Variants in CNTNAP5 observed in about 807,000 individuals in gnomAD.
CNTNAP5 encodes contactin associated protein family member 5.
Under a neutral mutation model 150.2 loss-of-function variants are expected in CNTNAP5, and 72 were observed. The observed-to-expected ratio is 0.48, with a 90% CI of 0.40 to 0.58. The LOEUF (loss-of-function observed/expected upper bound fraction) is 0.58. CNTNAP5 is among the 20% of genes least tolerant of loss of function. The probability of loss-of-function intolerance (pLI) is 0.00; values close to 1 mark genes in which losing one functional copy is unlikely to be tolerated. For synonymous variants in CNTNAP5, 672 were observed against 619.8 expected, an observed-to-expected ratio of 1.08 and a Z score of -1.25; for missense variants, 1,636 against 1,626.2, an observed-to-expected ratio of 1.01 and a Z score of -0.10.
At chr2:124,136,079 G>A (rs765537655) in intron 1 of CNTNAP5, among the ~76,000 whole-genome samples, 3 of 152,110 alleles carry the variant, frequency 2.0e-5, no homozygotes, top group Non-Finnish European at 4.4e-5. Context: ...ATACTTAAAG[G>A]CTGTGATGTC....
At chr2:124,898,292 A>T (rs1678347688) in intron 21 of CNTNAP5, among the ~76,000 whole-genome samples, 1 of 151,398 alleles carries the variant, frequency 6.6e-6, no homozygotes, top group Non-Finnish European at 1.5e-5. Flanking sequence ...ACACATAGAA[A>T]ATGTCATGTT....
intron 8 of CNTNAP5, among the ~76,000 whole-genome samples, chr2:124,511,411 GT>G (rs1477615015): frequency 6.6e-6 from 1 of 152,178 alleles, no homozygotes; most frequent in South Asian, 2.1e-4. Flanking sequence ...GTTTGTTTTT[GT>G]TTTTTGTAGT....
intron 13 of CNTNAP5, among the ~76,000 whole-genome samples, chr2:124,654,771 C>T (rs1039834104): frequency 6.6e-6 from 1 of 151,912 alleles, no homozygotes; most frequent in Non-Finnish European, 1.5e-5. Context: ...TTCTTAACCA[C>T]CCCCCGCCTC....
intron 8 of CNTNAP5, among the ~76,000 whole-genome samples, chr2:124,508,243 G>T (rs1409792881): frequency 1.3e-5 from 2 of 152,198 alleles, no homozygotes; most frequent in Non-Finnish European, 2.9e-5. Context: ...AGTCATAAAA[G>T]TTAAGAATGA....
At chr2:124,780,122 C>G (rs1422487220) in intron 17 of CNTNAP5, among the ~76,000 whole-genome samples, 2 of 152,172 alleles carry the variant, frequency 1.3e-5, no homozygotes, top group Non-Finnish European at 1.5e-5. Context: ...CTCAGTTATT[C>G]CATCTGCCCA....
At chr2:124,294,730 G>A (rs193230997) in intron 3 of CNTNAP5, among the ~76,000 whole-genome samples, 8 of 152,266 alleles carry the variant, frequency 5.3e-5, no homozygotes, top group Non-Finnish European at 1.0e-4. Flanking sequence ...AACATTTTCC[G>A]GCAACAAAAA....
At chr2:124,071,754 C>A (rs1277635332) in intron 1 of CNTNAP5, among the ~76,000 whole-genome samples, 1 of 151,814 alleles carries the variant, frequency 6.6e-6, no homozygotes, top group African/African-American at 2.4e-5. Context: ...AATCCTGAGA[C>A]CCAATAGCCT....
Position 124,811,965 on chromosome 2 carries a change from T to TTATA in CNTNAP5, c.3217+13646_3217+13647insATAT, listed in dbSNP as rs1444841686. Among the ~76,000 whole-genome samples the TTATA allele has an allele frequency of 2.1e-3, 237 of 114,572 alleles. 3 individuals carry two copies. The highest frequency in any genetic ancestry group is 3.5e-3 in the Non-Finnish European group (204 of 58,892). 75.2% of individuals were successfully genotyped at this position (114,572 alleles called of 152,430 possible). On this transcript the variant is annotated intron_variant, in intron 19 of 23. Transcript: ENST00000682447. ...CTCAAAAAATATATATATATATATT[T>TTATA]TTTATAATATATATAAAATTTATAT...
At chr2:124,889,495 A>C (rs1318472777) in intron 21 of CNTNAP5, among the ~76,000 whole-genome samples, 1 of 152,046 alleles carries the variant, frequency 6.6e-6, no homozygotes, top group Admixed American at 6.6e-5. Context: ...TCCCAGTGCC[A>C]TTTATTGAAT....
At chr2:124,236,325 G>A (rs926789864) in intron 2 of CNTNAP5, among the ~76,000 whole-genome samples, 1 of 152,120 alleles carries the variant, frequency 6.6e-6, no homozygotes, top group Non-Finnish European at 1.5e-5. Flanking sequence ...TGCAGGAGGC[G>A]TGGCCTGGAC....
At chr2:124,574,515 AC>A (rs1370815673) in intron 11 of CNTNAP5, among the ~76,000 whole-genome samples, 1 of 152,218 alleles carries the variant, frequency 6.6e-6, no homozygotes, top group African/African-American at 2.4e-5. Context: ...TTACACTGTT[AC>A]CTCAAATAGG....
intron 1 of CNTNAP5, among the ~76,000 whole-genome samples, chr2:124,149,468 G>T (rs748467768): frequency 1.3e-5 from 2 of 150,322 alleles, no homozygotes; most frequent in Non-Finnish European, 3.0e-5. Flanking sequence ...GTTGAAATGG[G>T]GGCTAATATC....
intron 3 of CNTNAP5, among the ~76,000 whole-genome samples, chr2:124,404,607 G>A (rs1306165373): frequency 2.0e-5 from 3 of 152,218 alleles, no homozygotes; most frequent in African/African-American, 4.8e-5. Context: ...TGGCAGAAGG[G>A]CAGGGGGTGA....
In CNTNAP5 at chr2:124,295,712, C is replaced by T. The variant is rs928523499; in HGVS notation, c.381+53319C>T. Among the ~76,000 whole-genome samples, 4 of 152,208 alleles carry T rather than the reference C, an allele frequency of 2.6e-5. No individual in the cohort carries two copies. The South Asian group carries it at 8.3e-4, about 32-fold the overall frequency. On this transcript the variant is annotated intron_variant, in intron 3 of 23. Coordinates refer to ENST00000682447, the MANE Select transcript of CNTNAP5 (RefSeq NM_001367498.1). ...AGAAGCCCCAAGACCTGCTGTTTGC[C>T]TATTTTATGTTTATTTCTAAACAAA...
intron 6 of CNTNAP5, among the ~76,000 whole-genome samples, chr2:124,473,412 A>C (rs1213597549): frequency 2.0e-5 from 3 of 152,064 alleles, no homozygotes; most frequent in Non-Finnish European, 4.4e-5. Context: ...AATATCAAAA[A>C]ATTCTCTTTA....
At chr2:124,157,799 G>A (rs1304681689) in intron 1 of CNTNAP5, among the ~76,000 whole-genome samples, 2 of 152,086 alleles carry the variant, frequency 1.3e-5, no homozygotes, top group Non-Finnish European at 2.9e-5. Flanking sequence ...ACCCAACTGT[G>A]TGCTCATGAG....
intron 3 of CNTNAP5, among the ~76,000 whole-genome samples, chr2:124,366,764 G>GC (rs1160187448): frequency 6.6e-6 from 1 of 152,140 alleles, no homozygotes. Context: ...GGCTGGGAGA[G>GC]CCCTTCAAAT....
At chr2:124,183,646 T>C (rs751511345) in intron 1 of CNTNAP5, among the ~76,000 whole-genome samples, 22 of 152,220 alleles carry the variant, frequency 1.4e-4, no homozygotes, top group Admixed American at 1.1e-3. Flanking sequence ...TATATTTCAT[T>C]GCAACCCTCA....
At chr2:124,083,677 C>A (rs1258102475) in intron 1 of CNTNAP5, among the ~76,000 whole-genome samples, 1 of 151,996 alleles carries the variant, frequency 6.6e-6, no homozygotes, top group Non-Finnish European at 1.5e-5. Flanking sequence ...GTCCCTCTTT[C>A]TACCACGTTC....
Sources: allele counts gnomAD v4.1 joint callset (sites outside exome capture counted in the v4.1 genomes callset), GRCh38; gene constraint gnomAD v4.1.1; transcripts MANE v1.5; gene names NCBI Gene and HGNC (gene_info 2026-07-23, HGNC 2026-07-21).